ADAMTS17: variants seen among roughly 807,000 people sequenced by gnomAD.
The protein encoded by ADAMTS17 is ADAM metallopeptidase with thrombospondin type 1 motif 17, also known as A disintegrin and metalloproteinase with thrombospondin motifs 17.
In ADAMTS17, 113 loss-of-function variants were observed where a neutral mutation model predicts 141.5. That is an observed-to-expected ratio of 0.80 (90% confidence interval 0.69 to 0.93). The LOEUF is 0.93. Ranked by LOEUF, ADAMTS17 falls within the 40% of genes least tolerant of loss-of-function variation. The probability of loss-of-function intolerance (pLI) is 0.00; values close to 1 mark genes in which losing one functional copy is unlikely to be tolerated. For missense variants in ADAMTS17, 1,659 were observed against 1,517.9 expected (o/e 1.09, Z -1.54); for synonymous variants, 768 against 630.6 (o/e 1.22, Z -3.27).
At chr15:100,333,526 G>A (rs1047012161) in intron 2 of ADAMTS17, among the ~76,000 whole-genome samples, 5 of 152,184 alleles carry the variant, frequency 3.3e-5, no homozygotes, top group East Asian at 1.9e-4. Context: ...GTTGAGAAGC[G>A]CCGTCCTAGC....
At chr15:100,127,648 C>T (rs769190270) in intron 12 of ADAMTS17, among the ~76,000 whole-genome samples, 2 of 152,304 alleles carry the variant, frequency 1.3e-5, no homozygotes, top group Admixed American at 6.5e-5. Context: ...GTGGTGTGAT[C>T]GCAGCTCACT....
At chr15:99,999,748 C>G (rs2060882139) in intron 18 of ADAMTS17, among the ~76,000 whole-genome samples, 2 of 152,098 alleles carry the variant, frequency 1.3e-5, no homozygotes, top group Non-Finnish European at 2.9e-5. Context: ...GCAGGGAGAC[C>G]AGAGAGGAGG....
chr15:100,292,061 CGAGAGACGCTCAGCCCGTGGGGAGTCAT>C (rs766076514), intron 3 of ADAMTS17, among the ~76,000 whole-genome samples: 8,506 of 144,242 alleles, frequency 0.059, 453 homozygotes, highest in African/African-American at 0.095. Context: ...TGGGGAGTCA[CGAGAGACGCTCAGCCCGTGGGGAGTCAT>C]GAGAGACGCT....
At chr15:100,250,192 T>G (rs2043110035) in intron 7 of ADAMTS17, among the ~76,000 whole-genome samples, 1 of 152,178 alleles carries the variant, frequency 6.6e-6, no homozygotes, top group South Asian at 2.1e-4. Flanking sequence ...ATCCATCAAG[T>G]TTTGCCCTCT....
intron 15 of ADAMTS17, among the ~76,000 whole-genome samples, chr15:100,059,825 C>A (rs1434446226): frequency 6.6e-6 from 1 of 152,168 alleles, no homozygotes; most frequent in Non-Finnish European, 1.5e-5. Context: ...CTCCAGGCAC[C>A]TCTGGAGGAG....
intron 7 of ADAMTS17, among the ~76,000 whole-genome samples, chr15:100,214,365 A>G (rs1002818700): frequency 3.3e-5 from 5 of 152,224 alleles, no homozygotes; most frequent in Non-Finnish European, 5.9e-5. Flanking sequence ...GAAATGTAAA[A>G]TACTTGAATG....
At chr15:100,183,926 G>A (rs1400512899) in intron 8 of ADAMTS17, among the ~76,000 whole-genome samples, 2 of 152,214 alleles carry the variant, frequency 1.3e-5, no homozygotes, top group African/African-American at 4.8e-5. Context: ...ATCTGTGGGG[G>A]TGAAAGGCAC....
rs950820495 is a variant in ADAMTS17 at position 100,249,672 on chromosome 15, C to T, written c.1075+4464G>A. On this transcript the variant is annotated intron_variant, in intron 7 of 21. Coordinates refer to ENST00000268070, the MANE Select transcript of ADAMTS17 (RefSeq NM_139057.4). ...TCCCAGCCTGGCGGCAGCCCCCTTC[C>T]AGTAGGTGCCCTTGGCTCATTCCTC... is the stretch of plus-strand genomic sequence containing the variant. 1.2e-4 allele frequency among the ~76,000 whole-genome samples: 18 copies of T among 152,292 alleles called. No homozygotes were observed. The East Asian group carries it at 1.9e-3, about 16-fold the overall frequency.
At chr15:100,223,104 A>T (rs1567381993) in intron 7 of ADAMTS17, among the ~76,000 whole-genome samples, 1 of 152,246 alleles carries the variant, frequency 6.6e-6, no homozygotes, top group Non-Finnish European at 1.5e-5. Flanking sequence ...CACCACAAGG[A>T]AAGTCACAGC....
chr15:100,107,765 G>T (rs1441023872), intron 14 of ADAMTS17, among the ~76,000 whole-genome samples: 4 of 152,136 alleles, frequency 2.6e-5, no homozygotes, highest in Non-Finnish European at 5.9e-5. Flanking sequence ...ATCTGCCTGT[G>T]CCTCAAGGCC....
intron 14 of ADAMTS17, among the ~76,000 whole-genome samples, chr15:100,097,193 T>G (rs2035814681): frequency 6.6e-6 from 1 of 152,238 alleles, no homozygotes; most frequent in East Asian, 1.9e-4. Flanking sequence ...GAGAATTTTG[T>G]ATCCTGCAAA....
Position 100,051,672 on chromosome 15 carries a change from G to A in ADAMTS17, c.2355C>T (p.Asn785=). 1.9e-6 allele frequency: 3 copies of A among 1,614,212 alleles called. No individual in the cohort carries two copies. The highest frequency in any genetic ancestry group is 2.5e-6 in the Non-Finnish European group (3 of 1,180,050). Residue 785 remains asparagine (N), a synonymous_variant, in exon 17 of 22, where the codon AAC becomes AAT. Transcript: ENST00000268070. ...GTTCGCTTTGATTTTCCGCAGTGCG[G>A]TTTACAGGAACAGTGTATTCATAAT... ...GIHYEYTVPV[N]RTAENQSEPE...
chr15:100,240,505 C>G (rs1344166611), intron 7 of ADAMTS17, among the ~76,000 whole-genome samples: 3 of 152,118 alleles, frequency 2.0e-5, no homozygotes, highest in African/African-American at 7.2e-5. Flanking sequence ...TAAAGGTGCT[C>G]CCCCCTCACT....
intron 15 of ADAMTS17, 47 bp downstream of exon 15, chr15:100,096,309 G>A (rs369970571): frequency 3.7e-6 from 6 of 1,609,350 alleles, no homozygotes; most frequent in African/African-American, 1.3e-5. Context: ...TGTAGGCAAA[G>A]GACACAAAAC....
intron 7 of ADAMTS17, among the ~76,000 whole-genome samples, chr15:100,246,896 T>TTTATTTAC (rs1165378690): frequency 3.3e-5 from 5 of 149,934 alleles, no homozygotes; most frequent in African/African-American, 1.3e-4. Context: ...TATTTATTTA[T>TTTATTTAC]TTTTTGAGAC....
intron 14 of ADAMTS17, among the ~76,000 whole-genome samples, chr15:100,104,721 A>G (rs547321196): frequency 6.6e-6 from 1 of 152,222 alleles, no homozygotes; most frequent in South Asian, 2.1e-4. Flanking sequence ...TTAGACAATT[A>G]TTATCAATGA....
At chr15:100,113,623 G>A (rs2141127516) in intron 13 of ADAMTS17, among the ~76,000 whole-genome samples, 1 of 152,364 alleles carries the variant, frequency 6.6e-6, no homozygotes, top group South Asian at 2.1e-4. Flanking sequence ...GACAAGTTCT[G>A]AGAAAGCCAG....
intron 7 of ADAMTS17, among the ~76,000 whole-genome samples, chr15:100,231,448 G>T (rs2042478252): frequency 6.6e-6 from 1 of 152,114 alleles, no homozygotes; most frequent in South Asian, 2.1e-4. Context: ...CTTCCCACAG[G>T]AACATCAGCA....
intron 7 of ADAMTS17, among the ~76,000 whole-genome samples, chr15:100,201,755 T>C (rs2041342211): frequency 6.6e-6 from 1 of 152,116 alleles, no homozygotes; most frequent in South Asian, 2.1e-4. Context: ...CAATGCAGAC[T>C]ATTAAAAAAA....
Sources: allele counts gnomAD v4.1 joint callset (sites outside exome capture counted in the v4.1 genomes callset), GRCh38; gene constraint gnomAD v4.1.1; transcripts MANE v1.5; gene names NCBI Gene and HGNC (gene_info 2026-07-23, HGNC 2026-07-21).